RFX3: variants seen among roughly 807,000 people sequenced by gnomAD.
RFX3 encodes the protein transcription factor RFX3.
A neutral mutation model predicts 98.6 loss-of-function variants in RFX3; 14 were observed. The ratio of observed to expected loss-of-function variants is 0.14; its 90% CI spans 0.09 to 0.22. The LOEUF (loss-of-function observed/expected upper bound fraction) is 0.22, where lower values mean the gene tolerates loss of function less well. Among genes scored for constraint, RFX3 ranks in the 10% least tolerant of loss-of-function variants. The pLI is 1.00. For missense variants in RFX3, 639 were observed against 926.9 expected, an observed-to-expected ratio of 0.69 and a Z score of 4.03; for synonymous variants, 383 against 328.4, an observed-to-expected ratio of 1.17 and a Z score of -1.80.
chr9:3,525,764 G>C lies in RFX3; in HGVS notation c.-26C>G. The C allele has an allele frequency of 5.5e-6, 2 of 365,030 alleles. No individual in the cohort carries two copies. The highest frequency in any genetic ancestry group is 7.6e-6 in the Non-Finnish European group (2 of 262,344). The allele number at this position is 365,030 out of a possible 1,614,324, so 22.6% of individuals were successfully genotyped here. A position where few individuals can be genotyped will look rare whatever the true frequency, so the allele number is the denominator to read the frequency against. On this transcript the variant is annotated 5_prime_UTR_variant, in exon 1 of 17. Coordinates refer to ENST00000617270, the MANE Select transcript of RFX3 (RefSeq NM_001282116.2). ...ATATTCACCTTGGCTGTGGATTATTGTGGTGTTGTTGGTGGGTGATGGAGA... is the reference window on the plus strand; with the variant it reads ...ATATTCACCTTGGCTGTGGATTATTCTGGTGTTGTTGGTGGGTGATGGAGA...
At chr9:3,290,250 G>T (rs528289730) in intron 6 of RFX3, among the ~76,000 whole-genome samples, 70 of 151,504 alleles carry the variant, frequency 4.6e-4, no homozygotes, top group African/African-American at 1.6e-3. Flanking sequence ...CCTAGTTGGG[G>T]GTGGGAGGAA....
rs1420878594 is a variant in RFX3 at position 3,222,466 on chromosome 9, T to C, written c.*2576A>G. On this transcript the variant is annotated 3_prime_UTR_variant, in exon 17 of 17. Transcript: ENST00000617270. ...GCCCATTATTACCAGATTCCTGTAA[T>C]GATACAAATATATCCAACATTAAAT... 1 of 152,200 alleles carries C rather than the reference T, an allele frequency of 6.6e-6. No homozygotes were observed. The highest frequency in any genetic ancestry group is 1.5e-5 in the Non-Finnish European group (1 of 68,030). The allele number at this position is 152,200 out of a possible 1,614,324, so 9.4% of individuals were successfully genotyped here. A position where few individuals can be genotyped will look rare whatever the true frequency, so the allele number is the denominator to read the frequency against.
chr9:3,460,179 T>G (rs1847562151), intron 1 of RFX3, among the ~76,000 whole-genome samples: 1 of 152,046 alleles, frequency 6.6e-6, no homozygotes, highest in Admixed American at 6.5e-5. Flanking sequence ...TTGTAGGGAA[T>G]GTGACAAATT....
At chr9:3,368,899 G>A (rs1196139964) in intron 2 of RFX3, among the ~76,000 whole-genome samples, 1 of 152,196 alleles carries the variant, frequency 6.6e-6, no homozygotes, top group Admixed American at 6.5e-5. Context: ...ACGAGAGAAA[G>A]ATAATTTTAT....
chr9:3,268,389 C>T (rs1391842551), intron 11 of RFX3, among the ~76,000 whole-genome samples: 1 of 151,668 alleles, frequency 6.6e-6, no homozygotes, highest in African/African-American at 2.4e-5. Flanking sequence ...CTTTCAAAGC[C>T]TCATGAATGG....
chr9:3,315,072 T>C (rs1193805316), intron 4 of RFX3, among the ~76,000 whole-genome samples: 2 of 146,754 alleles, frequency 1.4e-5, no homozygotes, highest in Non-Finnish European at 2.9e-5. Context: ...AGAATATACA[T>C]TCTTCTCAGC....
At chr9:3,270,126 G>GAAAGAAA (rs369052815) in intron 11 of RFX3, among the ~76,000 whole-genome samples, 1 of 106,508 alleles carries the variant, frequency 9.4e-6, no homozygotes, top group African/African-American at 5.3e-5. Context: ...AAGAAAGAAA[G>GAAAGAAA]GAAAGAAAGA....
At chr9:3,286,757 A>C (rs1826660484) in intron 7 of RFX3, among the ~76,000 whole-genome samples, 1 of 151,896 alleles carries the variant, frequency 6.6e-6, no homozygotes, top group Non-Finnish European at 1.5e-5. Flanking sequence ...CTCATCTCCC[A>C]CTAAACTACT....
intron 1 of RFX3, among the ~76,000 whole-genome samples, chr9:3,457,776 A>G (rs1366655313): frequency 6.6e-6 from 1 of 152,030 alleles, no homozygotes; most frequent in African/African-American, 2.4e-5. Context: ...CATTCATTCA[A>G]TGAATGTTTT....
intron 4 of RFX3, among the ~76,000 whole-genome samples, chr9:3,306,070 T>G (rs528120397): frequency 2.2e-4 from 33 of 152,176 alleles, no homozygotes; most frequent in African/African-American, 7.0e-4. Context: ...AAATGATGTT[T>G]TACCACAATA....
At chr9:3,239,188 C>G (rs1267082674) in intron 15 of RFX3, among the ~76,000 whole-genome samples, 2 of 152,202 alleles carry the variant, frequency 1.3e-5, no homozygotes, top group African/African-American at 4.8e-5. Flanking sequence ...GCATTTAGCA[C>G]TGATACATGG....
intron 14 of RFX3, among the ~76,000 whole-genome samples, chr9:3,254,107 G>A (rs927695803): frequency 6.6e-6 from 1 of 152,050 alleles, no homozygotes; most frequent in African/African-American, 2.4e-5. Context: ...CCTCAACTCA[G>A]GGAGGACAGA....
chr9:3,421,478 T>C (rs1431408233), intron 1 of RFX3, among the ~76,000 whole-genome samples: 1 of 152,248 alleles, frequency 6.6e-6, no homozygotes, highest in Non-Finnish European at 1.5e-5. Context: ...TAACATCTTC[T>C]AGTCTATTTT....
chr9:3,334,364 G>C (rs1239779986), intron 3 of RFX3, among the ~76,000 whole-genome samples: 2 of 152,200 alleles, frequency 1.3e-5, no homozygotes, highest in African/African-American at 2.4e-5. Context: ...TGGAATTTTA[G>C]ATGTTCTATG....
At chr9:3,394,069 T>A (rs1840596537) in intron 2 of RFX3, among the ~76,000 whole-genome samples, 1 of 152,186 alleles carries the variant, frequency 6.6e-6, no homozygotes. Flanking sequence ...ATCAAAACTA[T>A]ATATAGTTCA....
At chr9:3,396,584 T>C (rs1256326742) in intron 1 of RFX3, among the ~76,000 whole-genome samples, 1 of 152,056 alleles carries the variant, frequency 6.6e-6, no homozygotes, top group Non-Finnish European at 1.5e-5. Flanking sequence ...TCAAATGGTA[T>C]TTCTAGTTCT....
At chr9:3,465,182 A>G (rs1483529089) in intron 1 of RFX3, among the ~76,000 whole-genome samples, 1 of 152,200 alleles carries the variant, frequency 6.6e-6, no homozygotes, top group Non-Finnish European at 1.5e-5. Context: ...ATAAATCAAG[A>G]GTATCAGTAG....
At chr9:3,297,893 C>G (rs1321198120) in intron 5 of RFX3, among the ~76,000 whole-genome samples, 1 of 151,710 alleles carries the variant, frequency 6.6e-6, no homozygotes, top group African/African-American at 2.4e-5. Context: ...TTTCTGAATT[C>G]AAATTTACAA....
At chr9:3,313,057 G>T (rs1334369941) in intron 4 of RFX3, among the ~76,000 whole-genome samples, 1 of 152,214 alleles carries the variant, frequency 6.6e-6, no homozygotes, top group Non-Finnish European at 1.5e-5. Context: ...AGAACGGACA[G>T]ATTGCCTCCT....
Sources: gnomAD v4.1 joint callset for allele counts (sites outside exome capture counted in the v4.1 genomes callset) on GRCh38, gnomAD v4.1.1 for gene constraint, MANE v1.5 for transcripts, NCBI Gene and HGNC (gene_info 2026-07-23, HGNC 2026-07-21) for gene names.